CCDC3: variants seen among roughly 807,000 people sequenced by gnomAD.
The protein encoded by CCDC3 is coiled-coil domain containing 3.
CCDC3 carries 24 observed loss-of-function variants against 21.4 expected under a neutral mutation model. The ratio of observed to expected loss-of-function variants is 1.12; its 90% CI spans 0.81 to 1.58. CCDC3 has a LOEUF of 1.58. Ranked by LOEUF, CCDC3 falls within the 40% of genes most tolerant of loss-of-function variation. CCDC3 has a pLI of 0.00. For missense variants in CCDC3, 425 were observed against 360.9 expected (o/e 1.18, Z -1.44); for synonymous variants, 186 against 166.0 (o/e 1.12, Z -0.93).
At chr10:12,994,195 C>G (rs959784572) in intron 2 of CCDC3, among the ~76,000 whole-genome samples, 1 of 152,002 alleles carries the variant, frequency 6.6e-6, no homozygotes, top group Non-Finnish European at 1.5e-5. Context: ...GCTGGGAGAT[C>G]GAGACCAGCC....
chr10:13,072,348 A>G (rs1163721464), intron 4 of CCDC3, among the ~76,000 whole-genome samples: 1 of 150,806 alleles, frequency 6.6e-6, no homozygotes, highest in African/African-American at 2.4e-5. Context: ...AATTTTGGTC[A>G]TCATCCTTAT....
In CCDC3 at chr10:13,096,523, C is replaced by T. The variant is rs534146917; in HGVS notation, c.-503+2002G>A. On this transcript the variant is annotated intron_variant, in intron 3 of 6. Coordinates refer to the CCDC3 transcript ENST00000378839. ...GCAGGGGTGTACGGAAACCTATTTT[C>T]GGGCACCACTGGGGTCTGGAGAGGG... 3.9e-5 allele frequency among the ~76,000 whole-genome samples: 6 copies of T among 152,198 alleles called. No homozygotes were observed. In the East Asian group the frequency reaches 5.8e-4, roughly 15 times the overall value.
intron 5 of CCDC3, among the ~76,000 whole-genome samples, chr10:13,028,003 G>C (rs1836247247): frequency 6.6e-6 from 1 of 152,148 alleles, no homozygotes; most frequent in African/African-American, 2.4e-5. Flanking sequence ...GTTTGCCACA[G>C]TTTGGCCAGG....
At chr10:12,999,107 G>A (rs1351139873) in intron 1 of CCDC3, among the ~76,000 whole-genome samples, 1 of 152,130 alleles carries the variant, frequency 6.6e-6, no homozygotes, top group Non-Finnish European at 1.5e-5. Context: ...GGGCACGGTG[G>A]CACACACCTG....
intron 3 of CCDC3, among the ~76,000 whole-genome samples, chr10:13,089,684 A>T (rs1468288200): frequency 6.6e-6 from 1 of 151,726 alleles, no homozygotes; most frequent in African/African-American, 2.4e-5. Context: ...TTAAATTTTA[A>T]TTTTTTTATT....
intron 2 of CCDC3, among the ~76,000 whole-genome samples, chr10:12,936,271 C>G (rs1210992967): frequency 6.6e-6 from 1 of 151,880 alleles, no homozygotes; most frequent in East Asian, 1.9e-4. Flanking sequence ...ATATTTTTTT[C>G]TCCTCTATTC....
At chr10:12,978,714 G>A (rs1835454171) in intron 2 of CCDC3, among the ~76,000 whole-genome samples, 1 of 152,288 alleles carries the variant, frequency 6.6e-6, no homozygotes, top group East Asian at 1.9e-4. Flanking sequence ...CCATCTCCCT[G>A]AAAACTGGGG....
chr10:13,048,316 C>G (rs141140787), intron 5 of CCDC3, among the ~76,000 whole-genome samples: 4,176 of 152,122 alleles, frequency 0.027, 90 homozygotes, highest in Admixed American at 0.079. Context: ...CTCAGCCTCC[C>G]TAGTAGCAGG....
intron 5 of CCDC3, among the ~76,000 whole-genome samples, chr10:13,030,123 T>A (rs1188075018): frequency 2.0e-5 from 3 of 152,180 alleles, no homozygotes; most frequent in Non-Finnish European, 4.4e-5. Flanking sequence ...GGGAAACCCA[T>A]CAGACTAACA....
rs143049167 is a variant in CCDC3, at chr10:13,061,252, G to C, written c.-269-11311C>G. The stretch of plus-strand genomic sequence containing the variant: ...GAATCGCAGAGAGCTGGAACACACA[G>C]TTCCACCTCCTCACAGAACTGCTGT... On this transcript the variant is annotated intron_variant, in intron 4 of 6. Coordinates refer to the CCDC3 transcript ENST00000378839. Among the ~76,000 whole-genome samples the C allele has an allele frequency of 1.8e-4, 27 of 152,312 alleles. No homozygotes were observed. In the East Asian group the frequency reaches 5.0e-3, roughly 28 times the overall value.
At chr10:13,090,568 A>T (rs1177573705) in intron 3 of CCDC3, among the ~76,000 whole-genome samples, 1 of 151,958 alleles carries the variant, frequency 6.6e-6, no homozygotes, top group African/African-American at 2.4e-5. Context: ...ATAGGTGTGG[A>T]CCTCTTCATT....
At chr10:12,966,286 T>C (rs938254262) in intron 2 of CCDC3, among the ~76,000 whole-genome samples, 1 of 72,382 alleles carries the variant, frequency 1.4e-5, no homozygotes, top group Non-Finnish European at 3.7e-5. Context: ...ATGAGCAAGG[T>C]TGAGAAACTA....
At chr10:12,945,320 A>G (rs1834898501) in intron 2 of CCDC3, among the ~76,000 whole-genome samples, 2 of 152,194 alleles carry the variant, frequency 1.3e-5, no homozygotes, top group African/African-American at 4.8e-5. Context: ...CAGAAAATCT[A>G]TAAGGTAGGA....
chr10:12,976,931 A>G (rs1408742400), intron 2 of CCDC3, among the ~76,000 whole-genome samples: 1 of 152,258 alleles, frequency 6.6e-6, no homozygotes, highest in African/African-American at 2.4e-5. Flanking sequence ...GTATTGACAG[A>G]AGGAGTGGGC....
At chr10:12,903,124 C>A (rs936416973) in intron 2 of CCDC3, among the ~76,000 whole-genome samples, 1 of 152,172 alleles carries the variant, frequency 6.6e-6, no homozygotes, top group African/African-American at 2.4e-5. Context: ...CAGCCATGAC[C>A]CAGGACTGCT....
intron 2 of CCDC3, among the ~76,000 whole-genome samples, chr10:12,935,226 CTTGT>C (rs1317933791): frequency 2.6e-5 from 4 of 152,014 alleles, no homozygotes; most frequent in African/African-American, 7.3e-5. Flanking sequence ...ATATTTGGGT[CTTGT>C]TTGTTTGAGA....
intron 2 of CCDC3, among the ~76,000 whole-genome samples, chr10:12,908,360 C>T (rs1834210356): frequency 1.3e-5 from 2 of 152,164 alleles, no homozygotes; most frequent in Non-Finnish European, 2.9e-5. Context: ...TCTCATCGGT[C>T]TCTGGTGGAG....
At chr10:12,917,318 TG>T (rs1447958351) in intron 2 of CCDC3, among the ~76,000 whole-genome samples, 1 of 149,452 alleles carries the variant, frequency 6.7e-6, no homozygotes, top group African/African-American at 2.5e-5. Flanking sequence ...CTCAGCCTCC[TG>T]AGTAGCTGGG....
In CCDC3 at chr10:13,043,242, A is replaced by G. The variant is rs1267097252; in HGVS notation, c.-2+6432T>C. 3.9e-5 allele frequency among the ~76,000 whole-genome samples: 6 copies of G among 152,242 alleles called. No individual in the cohort carries two copies. In the East Asian group the frequency reaches 7.7e-4, roughly 20 times the overall value. On this transcript the variant is annotated intron_variant, in intron 5 of 6. Transcript: ENST00000378839. ...CCCTCTCCCTGACCCAGGAGCCCCC[A>G]GTGTCTACTATTACCATCCTTATGT... is the stretch of plus-strand genomic sequence containing the variant.
Sources: gnomAD v4.1 joint callset for allele counts (sites outside exome capture counted in the v4.1 genomes callset) on GRCh38, gnomAD v4.1.1 for gene constraint, MANE v1.5 for transcripts, NCBI Gene and HGNC (gene_info 2026-07-23, HGNC 2026-07-21) for gene names.